CDH10: variants seen among roughly 807,000 people sequenced by gnomAD.
CDH10 encodes cadherin-10.
In CDH10, 30 loss-of-function variants were observed where a neutral mutation model predicts 73.1. The observed-to-expected ratio is 0.41, with a 90% CI of 0.31 to 0.56. The LOEUF (loss-of-function observed/expected upper bound fraction) is 0.56, where lower values mean the gene tolerates loss of function less well. Among genes scored for constraint, CDH10 ranks in the 20% least tolerant of loss-of-function variants. The pLI is 0.27. For missense variants in CDH10, 815 were observed against 973.7 expected (o/e 0.84, Z 2.17); for synonymous variants, 345 against 348.2 (o/e 0.99, Z 0.10).
At chr5:24,630,929 T>C (rs1747682593) in intron 1 of CDH10, among the ~76,000 whole-genome samples, 1 of 152,142 alleles carries the variant, frequency 6.6e-6, no homozygotes, top group South Asian at 2.1e-4. Context: ...TCAGCAAAGT[T>C]AGGAGGCAGC....
At chr5:24,525,098 T>C (rs905392246) in intron 5 of CDH10, among the ~76,000 whole-genome samples, 10 of 152,014 alleles carry the variant, frequency 6.6e-5, no homozygotes, top group African/African-American at 2.4e-4. Context: ...AGATGTGACA[T>C]AGTGACTTCC....
At chr5:24,508,614 G>A (rs1205901407) in intron 7 of CDH10, among the ~76,000 whole-genome samples, 1 of 148,184 alleles carries the variant, frequency 6.7e-6, no homozygotes, top group South Asian at 2.1e-4. Flanking sequence ...GACCTCCTGG[G>A]CTCAAGTGAT....
intron 1 of CDH10, among the ~76,000 whole-genome samples, chr5:24,605,523 T>C (rs924974316): frequency 6.6e-6 from 1 of 152,196 alleles, no homozygotes; most frequent in African/African-American, 2.4e-5. Flanking sequence ...CTCCCATCCA[T>C]AGAAAAACTG....
At chr5:24,559,356 A>T (rs1412737548) in intron 2 of CDH10, among the ~76,000 whole-genome samples, 1 of 152,020 alleles carries the variant, frequency 6.6e-6, no homozygotes, top group Non-Finnish European at 1.5e-5. Context: ...ATGTGTAAAC[A>T]AATGTATATC....
At chr5:24,498,291 T>C (rs892945215) in intron 9 of CDH10, 107 bp downstream of exon 9, 2 of 650,432 alleles carry the variant, frequency 3.1e-6, no homozygotes, top group Non-Finnish European at 5.4e-6. Context: ...TGGGACTCTA[T>C]ATGAGTATTT....
At chr5:24,530,345 C>T (rs1405342177) in intron 5 of CDH10, among the ~76,000 whole-genome samples, 1 of 151,780 alleles carries the variant, frequency 6.6e-6, no homozygotes, top group Non-Finnish European at 1.5e-5. Context: ...ACTGTTGTCC[C>T]AGTTGGTTTT....
intron 4 of CDH10, among the ~76,000 whole-genome samples, 171 bp from the exon 5 acceptor site, chr5:24,535,450 A>G (rs1743916916): frequency 6.6e-6 from 1 of 152,038 alleles, no homozygotes; most frequent in South Asian, 2.1e-4. Flanking sequence ...TATCATTTGT[A>G]TTGTGTTACC....
intron 2 of CDH10, among the ~76,000 whole-genome samples, chr5:24,581,235 T>G (rs1004464926): frequency 6.7e-6 from 1 of 149,764 alleles, no homozygotes; most frequent in Admixed American, 6.7e-5. Flanking sequence ...CTCCTTGCTT[T>G]CCTCAAATAT....
At chr5:24,624,373 A>T (rs1747420070) in intron 1 of CDH10, among the ~76,000 whole-genome samples, 1 of 152,170 alleles carries the variant, frequency 6.6e-6, no homozygotes, top group South Asian at 2.1e-4. Context: ...ATAATTATCA[A>T]ATATTCCTGT....
Position 24,626,607 on chromosome 5 carries a change from T to G in CDH10, c.-124+17987A>C, listed in dbSNP as rs186665721. 9.0e-3 allele frequency among the ~76,000 whole-genome samples: 1,376 copies of G among 152,054 alleles called. 8 individuals carry two copies. Among genetic ancestry groups the G allele is most frequent in the Non-Finnish European group, 0.013 (861 of 67,980 alleles). On this transcript the variant is annotated intron_variant, in intron 1 of 11. Coordinates refer to ENST00000264463, the MANE Select transcript of CDH10 (RefSeq NM_006727.5). Reference sequence around the variant, plus strand: ...TTTGATGTAGATTTCTAATAGTAAATTTTTATTAAAAAATATAATCTAGCT... The same window carrying G: ...TTTGATGTAGATTTCTAATAGTAAAGTTTTATTAAAAAATATAATCTAGCT...
intron 2 of CDH10, among the ~76,000 whole-genome samples, chr5:24,573,390 A>T (rs1194864958): frequency 6.6e-6 from 1 of 152,058 alleles, no homozygotes; most frequent in Non-Finnish European, 1.5e-5. Context: ...TACCAGAATA[A>T]TGAGGAAAGA....
intron 1 of CDH10, among the ~76,000 whole-genome samples, chr5:24,607,511 T>C (rs546109543): frequency 2.6e-5 from 4 of 152,264 alleles, no homozygotes; most frequent in African/African-American, 9.6e-5. Context: ...ACATAAATTA[T>C]AAATAAGGAA....
chr5:24,589,365 T>A (rs1746127354), intron 2 of CDH10, among the ~76,000 whole-genome samples: 1 of 152,112 alleles, frequency 6.6e-6, no homozygotes. Context: ...TATTTAGAAG[T>A]ATTGACAGCA....
At chr5:24,626,639 ACTGGC>A in intron 1 of CDH10, among the ~76,000 whole-genome samples, 1 of 151,854 alleles carries the variant, frequency 6.6e-6, no homozygotes, top group Non-Finnish European at 1.5e-5. Flanking sequence ...AGCTGGCTGT[ACTGGC>A]ATACACCTGT....
At chr5:24,585,223 T>C (rs1034514446) in intron 2 of CDH10, among the ~76,000 whole-genome samples, 1 of 152,134 alleles carries the variant, frequency 6.6e-6, no homozygotes, top group African/African-American at 2.4e-5. Context: ...CAAAGCCATC[T>C]TATTCTCATT....
Position 24,487,503 on chromosome 5 carries a change from C to A in CDH10, c.*160G>T. On this transcript the variant is annotated 3_prime_UTR_variant, in exon 12 of 12. Coordinates refer to ENST00000264463, the MANE Select transcript of CDH10 (RefSeq NM_006727.5). ...CATATATATTCCATGAGACATCCTACAGGAAAGAATTAATGTAATTAATGA... is the reference window on the plus strand; with the variant it reads ...CATATATATTCCATGAGACATCCTAAAGGAAAGAATTAATGTAATTAATGA... 1.5e-6 allele frequency: 1 copy of A among 658,234 alleles called. No individual in the cohort carries two copies. The highest frequency in any genetic ancestry group is 2.6e-6 in the Non-Finnish European group (1 of 377,934). The allele number at this position is 658,234 out of a possible 1,614,324, so 40.8% of individuals were successfully genotyped here. A position where few individuals can be genotyped will look rare whatever the true frequency, so the allele number is the denominator to read the frequency against.
At chr5:24,562,884 T>G (rs1745010768) in intron 2 of CDH10, among the ~76,000 whole-genome samples, 1 of 152,192 alleles carries the variant, frequency 6.6e-6, no homozygotes, top group Non-Finnish European at 1.5e-5. Context: ...AATAACTTAT[T>G]TTTTCCTCAA....
intron 8 of CDH10, 126 bp from the exon 9 acceptor site, chr5:24,498,645 T>C: frequency 3.1e-6 from 2 of 640,460 alleles, no homozygotes; most frequent in Admixed American, 5.3e-5. Context: ...TCTACTAATA[T>C]AATGAGCAAA....
chr5:24,535,749 G>A lies in CDH10; in HGVS notation c.600C>T (p.Tyr200=), dbSNP rs2111882921. 6.2e-7 allele frequency: 1 copy of A among 1,611,372 alleles called. No homozygotes were observed. Among genetic ancestry groups the A allele is most frequent in the Non-Finnish European group, 8.5e-7 (1 of 1,178,052 alleles). The stretch of plus-strand genomic sequence containing the variant: ...AATAGGGCTGCCCTTGAAGTATGCT[G>A]TAAATGACTCTGGCGCTGTTCCCAT... ...PSYGNSARVI[Y]SILQGQPYFS... The change falls in exon 4 of 12, where the codon TAC becomes TAT. Residue 200 remains tyrosine, a synonymous_variant. Transcript: ENST00000264463.
Sources: gnomAD v4.1 joint callset for allele counts (sites outside exome capture counted in the v4.1 genomes callset) on GRCh38, gnomAD v4.1.1 for gene constraint, MANE v1.5 for transcripts, NCBI Gene and HGNC (gene_info 2026-07-23, HGNC 2026-07-21) for gene names.